The following SH2D1B variants were observed in gnomAD, a reference collection of about 807,000 sequenced individuals.
SH2D1B encodes SH2 domain-containing protein 1B.
A neutral mutation model predicts 16.3 loss-of-function variants in SH2D1B; 11 were observed. The ratio of observed to expected loss-of-function variants is 0.67; its 90% CI spans 0.42 to 1.11. The LOEUF is 1.11. SH2D1B is among the 50% of genes most tolerant of loss of function. The pLI is 0.00. For synonymous variants in SH2D1B, 55 were observed against 56.1 expected (o/e 0.98, Z 0.09); for missense variants, 123 against 153.1 (o/e 0.80, Z 1.04).
intron 1 of SH2D1B, among the ~76,000 whole-genome samples, chr1:162,410,819 G>T (rs547006864): frequency 6.6e-6 from 1 of 151,844 alleles, no homozygotes; most frequent in East Asian, 1.9e-4. Flanking sequence ...ACCACACCTG[G>T]CTAATTTTGT....
At chr1:162,402,387 T>C (rs751338263) in intron 2 of SH2D1B, 13 of 169,356 alleles carry the variant, frequency 7.7e-5, no homozygotes, top group Non-Finnish European at 1.4e-4. Context: ...GGCGCGCGCC[T>C]GTAGTCCCAG....
intron 1 of SH2D1B, among the ~76,000 whole-genome samples, chr1:162,406,764 G>A (rs1648662466): frequency 6.6e-6 from 1 of 152,208 alleles, no homozygotes; most frequent in African/African-American, 2.4e-5. Context: ...TATTCTTAAT[G>A]AGAGCATGCA....
chr1:162,405,375 C>T (rs932250719), intron 1 of SH2D1B, among the ~76,000 whole-genome samples: 2 of 152,166 alleles, frequency 1.3e-5, no homozygotes, highest in East Asian at 3.8e-4. Flanking sequence ...AGTGTACATA[C>T]ATATGTCAAA....
chr1:162,403,306 T>C (rs1460718767), intron 1 of SH2D1B, among the ~76,000 whole-genome samples: 1 of 151,286 alleles, frequency 6.6e-6, no homozygotes, highest in Non-Finnish European at 1.5e-5. Flanking sequence ...CTGGCCAACA[T>C]AGTGAAACCA....
chr1:162,397,692 C>A (rs1339403097), intron 3 of SH2D1B, among the ~76,000 whole-genome samples: 1 of 152,142 alleles, frequency 6.6e-6, no homozygotes, highest in Non-Finnish European at 1.5e-5. Context: ...AGCACTGACC[C>A]GGCATGGAAA....
At chr1:162,405,567 A>T (rs145422035) in intron 1 of SH2D1B, among the ~76,000 whole-genome samples, 1 of 152,206 alleles carries the variant, frequency 6.6e-6, no homozygotes. Flanking sequence ...CCTCAGATAG[A>T]AAAAGTGTTT....
At chr1:162,402,265 C>A (rs997024560) in intron 2 of SH2D1B, among the ~76,000 whole-genome samples, 1 of 150,506 alleles carries the variant, frequency 6.6e-6, no homozygotes, top group Non-Finnish European at 1.5e-5. Context: ...GTAATCCCAG[C>A]AGTCTGGGAG....
chr1:162,400,123 T>G (rs150772145), intron 2 of SH2D1B, among the ~76,000 whole-genome samples: 1 of 152,194 alleles, frequency 6.6e-6, no homozygotes, highest in Non-Finnish European at 1.5e-5. Context: ...TTGTATACTT[T>G]ATGAATTTAA....
chr1:162,402,780 A>G lies in SH2D1B; in HGVS notation c.157T>C (p.Tyr53His). Residue 53 changes from tyrosine (Y) to histidine (H), a missense_variant, in exon 2 of 4, where the codon TAC becomes CAC. Coordinates refer to ENST00000367929, the MANE Select transcript of SH2D1B (RefSeq NM_053282.5). The part of the protein sequence containing the change: ...CVSFKNIVYT[Y>H]RIFREKHGYY... ...CCGTGTTTCTCTCTGAAGATTCGGTATGTGTAGACAATATTTTTAAACCTG... is the reference window on the plus strand; with the variant it reads ...CCGTGTTTCTCTCTGAAGATTCGGTGTGTGTAGACAATATTTTTAAACCTG... 6.2e-7 allele frequency: 1 copy of G among 1,613,934 alleles called. No individual in the cohort carries two copies. The highest frequency in any genetic ancestry group is 1.1e-5 in the South Asian group (1 of 91,072).
chr1:162,406,500 C>T (rs1648658079), intron 1 of SH2D1B, among the ~76,000 whole-genome samples: 1 of 152,072 alleles, frequency 6.6e-6, no homozygotes, highest in African/African-American at 2.4e-5. Flanking sequence ...TATAGATGCG[C>T]AGAGAAGTCT....
At chr1:162,398,795 T>C in intron 3 of SH2D1B, 128 bp downstream of exon 3, 1 of 1,139,252 alleles carries the variant, frequency 8.8e-7, no homozygotes, top group Non-Finnish European at 1.2e-6. Context: ...AAATTGCTCT[T>C]AGTAGGATGA....
At chr1:162,409,171 C>T (rs926604734) in intron 1 of SH2D1B, among the ~76,000 whole-genome samples, 1 of 151,794 alleles carries the variant, frequency 6.6e-6, no homozygotes, top group Non-Finnish European at 1.5e-5. Context: ...CCCTGAGATC[C>T]TGGCCAAGGT....
Position 162,411,923 on chromosome 1 carries a change from C to A in SH2D1B, c.94G>T (p.Asp32Tyr), listed in dbSNP as rs1648806308. 6.2e-7 allele frequency: 1 copy of A among 1,614,086 alleles called. No individual in the cohort carries two copies. The change falls in exon 1 of 4, where the codon GAC becomes TAC. Residue 32 changes from aspartate (D) to tyrosine (Y), a missense_variant. Physicochemically the swap from Asp to Tyr is radical, Grantham distance 160. Coordinates refer to ENST00000367929, the MANE Select transcript of SH2D1B (RefSeq NM_053282.5). ...AGGACTCCTGGTATCGACTCGCTGT[C>A]TCTTAAAAGAAAGTTGCCATCCACC... ...EGVDGNFLLR[D>Y]SESIPGVLCL...
chr1:162,397,124 T>A lies in SH2D1B; in HGVS notation c.*156A>T. On this transcript the variant is annotated 3_prime_UTR_variant, in exon 4 of 4. Coordinates refer to ENST00000367929, the MANE Select transcript of SH2D1B (RefSeq NM_053282.5). ...GGAGGCGGGGATGTGGAGAGTGACC[T>A]CTGGTGCTGGTGGGCAGAACATCTT... The A allele has an allele frequency of 1.4e-6, 1 of 724,516 alleles. No individual in the cohort carries two copies. Among genetic ancestry groups the A allele is most frequent in the Non-Finnish European group, 2.3e-6 (1 of 428,126 alleles). The allele number at this position is 724,516 out of a possible 1,614,324, so 44.9% of individuals were successfully genotyped here.
intron 1 of SH2D1B, among the ~76,000 whole-genome samples, chr1:162,405,987 G>A (rs977983924): frequency 6.6e-6 from 1 of 152,190 alleles, no homozygotes; most frequent in Non-Finnish European, 1.5e-5. Context: ...CCTTCAAAAG[G>A]TCAGCTGAAG....
intron 2 of SH2D1B, chr1:162,402,537 A>C (rs1467770226): frequency 6.4e-6 from 3 of 466,578 alleles, no homozygotes; most frequent in Non-Finnish European, 1.1e-5. Context: ...AAACAACAAC[A>C]AAAAAAGTAG....
Position 162,406,021 on chromosome 1 carries a change from T to C in SH2D1B, c.135-3219A>G, listed in dbSNP as rs149059821. 4.6e-5 allele frequency among the ~76,000 whole-genome samples: 7 copies of C among 152,350 alleles called. No homozygotes were observed. The East Asian group carries it at 1.3e-3, about 29-fold the overall frequency. On this transcript the variant is annotated intron_variant, in intron 1 of 3. Coordinates refer to ENST00000367929, the MANE Select transcript of SH2D1B (RefSeq NM_053282.5). ...AGGAAATGGAATCGACTGCACCCTA[T>C]AATATCAACAATGTGTTCTGCATTT...
Position 162,398,985 on chromosome 1 carries a change from T to C in SH2D1B, c.301A>G (p.Ile101Val), listed in dbSNP as rs1455375073. The change falls in exon 3 of 4, where the codon ATA becomes GTA. Residue 101 changes from isoleucine (I) to valine (V), a missense_variant. Coordinates refer to ENST00000367929, the MANE Select transcript of SH2D1B (RefSeq NM_053282.5). ...CTCAAGCTGGGGCTGGTTCTCTTTA[T>C]TGGCTTTAAAAGGTGAACCACCATC... ...QGMVVHLLKP[I>V]KRTSPSLRWR... 1.9e-5 allele frequency: 30 copies of C among 1,614,088 alleles called. No homozygotes were observed. Among genetic ancestry groups the C allele is most frequent in the African/African-American group, 4.0e-5 (3 of 74,944 alleles).
At chr1:162,398,169 C>T (rs1571270686) in intron 3 of SH2D1B, among the ~76,000 whole-genome samples, 1 of 152,192 alleles carries the variant, frequency 6.6e-6, no homozygotes, top group Admixed American at 6.5e-5. Flanking sequence ...ACTCTCTGTC[C>T]TCTGTCCCTC....
Sources: allele counts gnomAD v4.1 joint callset (sites outside exome capture counted in the v4.1 genomes callset), GRCh38; gene constraint gnomAD v4.1.1; transcripts MANE v1.5; gene names NCBI Gene and HGNC (gene_info 2026-07-23, HGNC 2026-07-21).